Variants in ALG14 observed in about 807,000 individuals in gnomAD.
ALG14 encodes the protein UDP-N-acetylglucosamine transferase subunit ALG14.
A neutral mutation model predicts 22.8 loss-of-function variants in ALG14; 17 were observed. The ratio of observed to expected loss-of-function variants is 0.75; its 90% CI spans 0.51 to 1.12. The LOEUF (loss-of-function observed/expected upper bound fraction) is 1.12. Among genes scored for constraint, ALG14 ranks in the 50% most tolerant of loss-of-function variants. ALG14 has a pLI of 0.00. For missense variants in ALG14, 288 were observed against 271.8 expected (o/e 1.06, Z -0.42); for synonymous variants, 89 against 103.7 (o/e 0.86, Z 0.86).
At chr1:95,069,499 CTGTT>C (rs1378457765) in intron 1 of ALG14, among the ~76,000 whole-genome samples, 1 of 152,186 alleles carries the variant, frequency 6.6e-6, no homozygotes, top group Non-Finnish European at 1.5e-5. Context: ...TGGTGTATGT[CTGTT>C]GCTTCCTGAC....
rs1672518457 is a variant in ALG14, at chr1:94,982,446, T to C, written c.*630A>G. 1 of 152,166 alleles carries C rather than the reference T, an allele frequency of 6.6e-6. No individual in the cohort carries two copies. The highest frequency in any genetic ancestry group is 2.4e-5 in the African/African-American group (1 of 41,392). The allele number at this position is 152,166 out of a possible 1,614,324, so 9.4% of individuals were successfully genotyped here. On this transcript the variant is annotated 3_prime_UTR_variant, in exon 4 of 4. Coordinates refer to ENST00000370205, the MANE Select transcript of ALG14 (RefSeq NM_144988.4). ...GGCCTAAACAAGAGATTTTAAAAGA[T>C]ACTCTGTATTAAGGCCAACTACTCA...
At position 95,067,946 on chromosome 1, in the gene ALG14, G is replaced by A. The variant is rs1036937537; in HGVS notation, c.137-2929C>T. On this transcript the variant is annotated intron_variant, in intron 1 of 3. Transcript: ENST00000370205. ...CTACTCTAATCACTCTAGCCTCCTT[G>A]CTGTTGGCTGTCATCTCCCCAAGAA... Among the ~76,000 whole-genome samples, 4 of 152,228 alleles carry A rather than the reference G, an allele frequency of 2.6e-5. No individual in the cohort carries two copies. In the East Asian group the frequency reaches 7.7e-4, roughly 29 times the overall value.
intron 2 of ALG14, among the ~76,000 whole-genome samples, chr1:95,044,248 T>G (rs1276741027): frequency 3.3e-5 from 5 of 152,162 alleles, no homozygotes; most frequent in African/African-American, 9.7e-5. Flanking sequence ...ACCTCCTAAC[T>G]GATTTCCTTG....
rs767036165 is a variant in ALG14, at chr1:94,983,086, C to T, written c.641G>A (p.Arg214Gln). The change falls in exon 4 of 4, where the codon CGA becomes CAA. Residue 214 changes from arginine (R) to glutamine (Q), a missense_variant. Physicochemically the swap from Arg to Gln is conservative, Grantham distance 43. Coordinates refer to ENST00000370205, the MANE Select transcript of ALG14 (RefSeq NM_144988.4). ...EKYPKSVYLG[R>Q]IV ...GTCAGTTGCCATTTGTCAAACAATT[C>T]GCCCAAGGTACACCGATTTGGGATA... The T allele has an allele frequency of 1.1e-5, 17 of 1,613,810 alleles. No homozygotes were observed. Among genetic ancestry groups the T allele is most frequent in the Middle Eastern group, 1.6e-4 (1 of 6,084 alleles).
intron 2 of ALG14, among the ~76,000 whole-genome samples, chr1:95,050,198 C>T (rs1674699089): frequency 1.3e-5 from 2 of 152,112 alleles, no homozygotes; most frequent in Non-Finnish European, 2.9e-5. Flanking sequence ...AGTGCAGTTA[C>T]TATTAATGCT....
intron 3 of ALG14, among the ~76,000 whole-genome samples, chr1:95,023,540 T>C (rs924067917): frequency 6.6e-6 from 1 of 152,204 alleles, no homozygotes; most frequent in African/African-American, 2.4e-5. Context: ...TGAGTGAGTG[T>C]AGATGTAATA....
intron 1 of ALG14, among the ~76,000 whole-genome samples, chr1:95,068,743 C>T (rs1037121101): frequency 5.3e-5 from 8 of 152,188 alleles, no homozygotes; most frequent in South Asian, 2.1e-4. Flanking sequence ...ATGGTTCTTT[C>T]AGGCCCTTGA....
At chr1:95,036,797 C>T (rs886498144) in intron 2 of ALG14, among the ~76,000 whole-genome samples, 2 of 152,186 alleles carry the variant, frequency 1.3e-5, no homozygotes, top group African/African-American at 4.8e-5. Context: ...CAGACTAATA[C>T]AGTCCCATGA....
intron 3 of ALG14, among the ~76,000 whole-genome samples, chr1:95,019,420 T>C (rs1183609038): frequency 6.6e-6 from 1 of 152,210 alleles, no homozygotes; most frequent in Non-Finnish European, 1.5e-5. Flanking sequence ...CACCCAATAA[T>C]GCTAACACAG....
chr1:95,048,655 G>A (rs1674647619), intron 2 of ALG14, among the ~76,000 whole-genome samples: 1 of 152,018 alleles, frequency 6.6e-6, no homozygotes, highest in African/African-American at 2.4e-5. Context: ...TATTTGGAAA[G>A]GTTACTCTCC....
chr1:95,038,818 A>T (rs1674287430), intron 2 of ALG14, among the ~76,000 whole-genome samples: 1 of 149,862 alleles, frequency 6.7e-6, no homozygotes, highest in African/African-American at 2.5e-5. Flanking sequence ...TCCTGGGCTC[A>T]AGCGATTCTC....
chr1:95,072,790 G>C lies in ALG14; in HGVS notation c.109C>G (p.Leu37Val). 1 of 1,614,188 alleles carries C rather than the reference G, an allele frequency of 6.2e-7. No individual in the cohort carries two copies. The highest frequency in any genetic ancestry group is 1.7e-5 in the Admixed American group (1 of 60,028). Residue 37 changes from leucine (L) to valine (V), a missense_variant, in exon 1 of 4, where the codon CTC (leucine) becomes GTC (valine). Coordinates refer to ENST00000370205, the MANE Select transcript of ALG14 (RefSeq NM_144988.4). ...GACCCAGCCACTACCAAGATACTGA[G>C]AGACTCCCGGGGCGTAACGTCCATG... is the stretch of plus-strand genomic sequence containing the variant. ...RSMDVTPRESLSILVVAGSGG... is the reference protein window; with the variant it reads ...RSMDVTPRESVSILVVAGSGG...
At chr1:95,046,156 C>T (rs1024379686) in intron 2 of ALG14, among the ~76,000 whole-genome samples, 19 of 151,960 alleles carry the variant, frequency 1.3e-4, no homozygotes, top group Non-Finnish European at 2.2e-4. Flanking sequence ...GTTTCTACAC[C>T]ATATATTTAT....
At chr1:95,034,998 C>T (rs555521220) in intron 2 of ALG14, among the ~76,000 whole-genome samples, 37 of 152,274 alleles carry the variant, frequency 2.4e-4, no homozygotes, top group Non-Finnish European at 4.3e-4. Flanking sequence ...CCACCTACCC[C>T]GACACATTCC....
At chr1:95,015,030 C>T (rs1188774459) in intron 3 of ALG14, among the ~76,000 whole-genome samples, 1 of 152,148 alleles carries the variant, frequency 6.6e-6, no homozygotes. Context: ...TAGGGGAGGC[C>T]TAAGTCCCCC....
At chr1:95,072,621 G>T in intron 1 of ALG14, 142 bp downstream of exon 1, 2 of 1,272,778 alleles carry the variant, frequency 1.6e-6, no homozygotes, top group Non-Finnish European at 2.2e-6. Context: ...TGGACTGCCC[G>T]GTTCCGGCAA....
intron 2 of ALG14, among the ~76,000 whole-genome samples, chr1:95,052,893 T>A (rs1674799653): frequency 1.4e-5 from 2 of 141,772 alleles, no homozygotes; most frequent in Non-Finnish European, 3.0e-5. Flanking sequence ...TCTAAGAGAA[T>A]AGTATAATTT....
rs1040766612 is a variant in ALG14, at chr1:94,983,068, G to T, written c.*8C>A. 2 of 1,612,720 alleles carry T rather than the reference G, an allele frequency of 1.2e-6. No homozygotes were observed. The highest frequency in any genetic ancestry group is 1.7e-6 in the Non-Finnish European group (2 of 1,178,804). On this transcript the variant is annotated 3_prime_UTR_variant, in exon 4 of 4. Transcript: ENST00000370205. ...CTGCAAAATTCTAAAGAAGTCAGTTGCCATTTGTCAAACAATTCGCCCAAG... is the reference window on the plus strand; with the variant it reads ...CTGCAAAATTCTAAAGAAGTCAGTTTCCATTTGTCAAACAATTCGCCCAAG...
At chr1:95,065,329 C>CAT (rs1478256257) in intron 1 of ALG14, among the ~76,000 whole-genome samples, 1 of 151,984 alleles carries the variant, frequency 6.6e-6, no homozygotes, top group Non-Finnish European at 1.5e-5. Flanking sequence ...GGGCAAGACA[C>CAT]ATATATGAAG....
Sources: allele counts gnomAD v4.1 joint callset (sites outside exome capture counted in the v4.1 genomes callset), GRCh38; gene constraint gnomAD v4.1.1; transcripts MANE v1.5; gene names NCBI Gene and HGNC (gene_info 2026-07-23, HGNC 2026-07-21).